CSNK2A2IP: variants seen among roughly 807,000 people sequenced by gnomAD.
The protein encoded by CSNK2A2IP is casein kinase 2 subunit alpha' interacting protein.
chr3:88,466,397 C>T, the CSNK2A2IP span: 8 of 1,231,770 alleles, frequency 6.5e-6, no homozygotes, highest in Non-Finnish European at 8.1e-6. Context: ...TTTCAGAATA[C>T]CACTTCACCA....
chr3:88,438,114 C>G, the CSNK2A2IP span, among the ~76,000 whole-genome samples: 1 of 130,892 alleles, frequency 7.6e-6, no homozygotes, highest in Non-Finnish European at 1.8e-5. Context: ...TAAAATCATA[C>G]TGTAAATTTA....
chr3:88,423,185 T>A, the CSNK2A2IP span, among the ~76,000 whole-genome samples: 1 of 152,334 alleles, frequency 6.6e-6, no homozygotes, highest in South Asian at 2.1e-4. Context: ...GGTAAATTTG[T>A]GATAGATTGA....
chr3:88,354,267 C>T, the CSNK2A2IP span, among the ~76,000 whole-genome samples: 1 of 152,150 alleles, frequency 6.6e-6, no homozygotes, highest in African/African-American at 2.4e-5. Flanking sequence ...TAATACAATC[C>T]ACTTTCAATA....
chr3:88,400,685 A>ATAGGAATTT, the CSNK2A2IP span, among the ~76,000 whole-genome samples: 1 of 152,314 alleles, frequency 6.6e-6, no homozygotes, highest in South Asian at 2.1e-4. Context: ...ACTAGGAATT[A>ATAGGAATTT]TAGGTGGCCC....
the CSNK2A2IP span, among the ~76,000 whole-genome samples, chr3:88,395,213 A>T: frequency 2.0e-5 from 3 of 152,254 alleles, no homozygotes; most frequent in African/African-American, 7.2e-5. Flanking sequence ...ATGAATTCCA[A>T]TTATCAATTT....
chr3:88,372,633 A>T, the CSNK2A2IP span, among the ~76,000 whole-genome samples: 1 of 151,438 alleles, frequency 6.6e-6, no homozygotes, highest in East Asian at 1.9e-4. Context: ...AGGCATATTG[A>T]TTAATTACCT....
the CSNK2A2IP span, among the ~76,000 whole-genome samples, chr3:88,350,250 T>C: frequency 3.3e-5 from 5 of 152,136 alleles, no homozygotes; most frequent in African/African-American, 4.8e-5. Context: ...TTCTCCATGG[T>C]GCTTTCTTCT....
chr3:88,353,753 A>C, the CSNK2A2IP span, among the ~76,000 whole-genome samples: 1 of 152,216 alleles, frequency 6.6e-6, no homozygotes, highest in Non-Finnish European at 1.5e-5. Flanking sequence ...TGGAAGGACT[A>C]AGGAAAGAAT....
the CSNK2A2IP span, among the ~76,000 whole-genome samples, chr3:88,392,246 A>C: frequency 6.6e-6 from 1 of 152,312 alleles, no homozygotes; most frequent in South Asian, 2.1e-4. Context: ...GGAATTTGTG[A>C]ATGTGTTAGA....
chr3:88,345,925 C>A, the CSNK2A2IP span, among the ~76,000 whole-genome samples: 1 of 151,944 alleles, frequency 6.6e-6, no homozygotes, highest in East Asian at 1.9e-4. Context: ...AGGCCTCTTG[C>A]AGCAAACAGC....
the CSNK2A2IP span, among the ~76,000 whole-genome samples, chr3:88,398,246 T>C: frequency 6.6e-6 from 1 of 152,104 alleles, no homozygotes; most frequent in Non-Finnish European, 1.5e-5. Flanking sequence ...GTTGAACCCA[T>C]TGAACAAAAA....
At chr3:88,344,174 TA>T in the CSNK2A2IP span, among the ~76,000 whole-genome samples, 3 of 151,934 alleles carry the variant, frequency 2.0e-5, no homozygotes, top group Admixed American at 2.0e-4. Flanking sequence ...AGCAAGCTGT[TA>T]ACTATCTGTA....
At chr3:88,377,980 T>C in the CSNK2A2IP span, among the ~76,000 whole-genome samples, 1 of 151,916 alleles carries the variant, frequency 6.6e-6, no homozygotes, top group Non-Finnish European at 1.5e-5. Context: ...TGATTTTTCA[T>C]TTTTCACATA....
At chr3:88,433,732 G>A in the CSNK2A2IP span, among the ~76,000 whole-genome samples, 1 of 152,158 alleles carries the variant, frequency 6.6e-6, no homozygotes, top group Non-Finnish European at 1.5e-5. Context: ...CTCCCTTGGG[G>A]ACGTTGTGCT....
At chr3:88,419,037 T>A in the CSNK2A2IP span, among the ~76,000 whole-genome samples, 1 of 152,178 alleles carries the variant, frequency 6.6e-6, no homozygotes, top group Non-Finnish European at 1.5e-5. Flanking sequence ...ATCTAATACC[T>A]GATGATCTGT....
chr3:88,464,738 A>AT, the CSNK2A2IP span, among the ~76,000 whole-genome samples: 1 of 152,102 alleles, frequency 6.6e-6, no homozygotes, highest in African/African-American at 2.4e-5. Flanking sequence ...CTTATCACAG[A>AT]TTTTTGTTTG....
At chr3:88,449,820 G>GACACACACACACACAC in the CSNK2A2IP span, among the ~76,000 whole-genome samples, 151 of 47,100 alleles carry the variant, frequency 3.2e-3, 1 homozygote, top group East Asian at 0.037. Context: ...TTTATATCGA[G>GACACACACACACACAC]ACACACACAC....
the CSNK2A2IP span, chr3:88,399,784 G>T: frequency 1.3e-5 from 2 of 152,132 alleles, no homozygotes; most frequent in Non-Finnish European, 2.9e-5. Flanking sequence ...CCTAAATGAG[G>T]TTTCCTAACC....
At chr3:88,449,868 T>TAGAGAGAGAGAGAGAGAGAGAG in the CSNK2A2IP span, among the ~76,000 whole-genome samples, 1 of 74,112 alleles carries the variant, frequency 1.3e-5, no homozygotes, top group Non-Finnish European at 3.4e-5. Context: ...TATATATATA[T>TAGAGAGAGAGAGAGAGAGAGAG]ATATATAGAG....
Sources: gnomAD v4.1 joint callset for allele counts (sites outside exome capture counted in the v4.1 genomes callset) on GRCh38, gnomAD v4.1.1 for gene constraint, MANE v1.5 for transcripts, NCBI Gene and HGNC (gene_info 2026-07-23, HGNC 2026-07-21) for gene names.